POR: variants seen among roughly 807,000 people sequenced by gnomAD.
POR encodes cytochrome p450 oxidoreductase.
POR carries 56 observed loss-of-function variants against 84.0 expected under a neutral mutation model. That is an observed-to-expected ratio of 0.67 (90% CI 0.54 to 0.83). The LOEUF (loss-of-function observed/expected upper bound fraction) is 0.83, where lower values mean the gene tolerates loss of function less well. Ranked by LOEUF, POR falls within the 40% of genes least tolerant of loss-of-function variation. The probability of loss-of-function intolerance (pLI) is 0.00; values close to 1 mark genes in which losing one functional copy is unlikely to be tolerated. For synonymous variants in POR, 414 were observed against 400.5 expected (o/e 1.03, Z -0.40); for missense variants, 938 against 944.3 (o/e 0.99, Z 0.09).
chr7:75,954,313 C>G (rs1787586275), intron 2 of POR, 133 bp downstream of exon 2: 1 of 928,940 alleles, frequency 1.1e-6, no homozygotes, highest in Non-Finnish European at 1.6e-6. Flanking sequence ...TGGGTTTTGC[C>G]TTCTTGCTAG....
At chr7:75,952,772 A>G (rs1446311664) in intron 1 of POR, among the ~76,000 whole-genome samples, 1 of 142,938 alleles carries the variant, frequency 7.0e-6, no homozygotes, top group African/African-American at 2.7e-5. Flanking sequence ...ATGGCGGTGG[A>G]GAAGAGGCGC....
At chr7:75,953,082 C>T (rs1184664463) in intron 1 of POR, among the ~76,000 whole-genome samples, 2 of 152,098 alleles carry the variant, frequency 1.3e-5, no homozygotes, top group African/African-American at 2.4e-5. Context: ...CTCGGGAGGC[C>T]GAGGCTGGAG....
At chr7:75,975,976 C>T (rs1159234493) in intron 3 of POR, among the ~76,000 whole-genome samples, 1 of 151,864 alleles carries the variant, frequency 6.6e-6, no homozygotes, top group Non-Finnish European at 1.5e-5. Flanking sequence ...TTACATCATG[C>T]CACATTTCTC....
chr7:75,950,704 T>A (rs1050464040), intron 1 of POR, among the ~76,000 whole-genome samples: 5 of 152,244 alleles, frequency 3.3e-5, no homozygotes, highest in Non-Finnish European at 7.3e-5. Flanking sequence ...TAAATGTGTT[T>A]ATAAGATTAA....
intron 2 of POR, among the ~76,000 whole-genome samples, chr7:75,959,209 T>TA (rs1239662102): frequency 1.3e-5 from 2 of 152,082 alleles, no homozygotes; most frequent in Admixed American, 6.6e-5. Context: ...CCTGTCTCTA[T>TA]AAAAAATAGG....
At chr7:75,981,222 G>T in intron 6 of POR, 50 bp downstream of exon 6, 1 of 1,485,492 alleles carries the variant, frequency 6.7e-7, no homozygotes, top group Non-Finnish European at 9.0e-7. Context: ...TTAGGCAGGG[G>T]CCGTGGAACG....
intron 5 of POR, 41 bp from the exon 6 acceptor site, chr7:75,981,007 G>A (rs1451998921): frequency 6.5e-7 from 1 of 1,527,454 alleles, no homozygotes; most frequent in Non-Finnish European, 8.8e-7. Flanking sequence ...CACTGGTCAG[G>A]TCGAGGGCCA....
intron 1 of POR, among the ~76,000 whole-genome samples, chr7:75,940,981 C>T (rs1807952610): frequency 6.6e-6 from 1 of 151,886 alleles, no homozygotes; most frequent in South Asian, 2.1e-4. Flanking sequence ...GGCAACCAAG[C>T]GAGACCCCAT....
chr7:75,946,742 C>T (rs1787192590), intron 1 of POR: 1 of 152,192 alleles, frequency 6.6e-6, no homozygotes, highest in Admixed American at 6.6e-5. Flanking sequence ...CCCATGAGCT[C>T]TGCCTTGTCT....
chr7:75,959,850 T>C lies in POR; in HGVS notation c.188+5670T>C, dbSNP rs541634312. ...TGGGAAGAGTTGACATCCTACAATA[T>C]TGAGCTTTCTATTCCATGAACATTG... On this transcript the variant is annotated intron_variant, in intron 2 of 15. Transcript: ENST00000461988. 6.6e-5 allele frequency among the ~76,000 whole-genome samples: 10 copies of C among 152,308 alleles called. No homozygotes were observed. The South Asian group carries it at 2.1e-3, about 32-fold the overall frequency.
At chr7:75,941,028 G>C (rs1233623845) in intron 1 of POR, among the ~76,000 whole-genome samples, 1 of 152,156 alleles carries the variant, frequency 6.6e-6, no homozygotes, top group Non-Finnish European at 1.5e-5. Context: ...AATTAGCTCG[G>C]TGAGGTGGTG....
Position 75,986,234 on chromosome 7 carries a change from G to A in POR, c.1891G>A (p.Val631Ile), listed in dbSNP as rs145782750. 1.4e-3 allele frequency: 2,270 copies of A among 1,612,670 alleles called. 9 individuals are homozygous for A. Among genetic ancestry groups the A allele is most frequent in the Middle Eastern group, 5.3e-3 (32 of 6,062 alleles). ...GATCGAAGGCGGTGCCCACATCTACGTCTGTGGGTGAGTGAGTGGGGTCAC... is the reference window on the plus strand; with the variant it reads ...GATCGAAGGCGGTGCCCACATCTACATCTGTGGGTGAGTGAGTGGGGTCAC... Residue 631 changes from valine to isoleucine, a missense_variant, in exon 15 of 16, where the codon GTC becomes ATC. Physicochemically the swap from Val to Ile is conservative, Grantham distance 29. Transcript: ENST00000461988.
intron 1 of POR, among the ~76,000 whole-genome samples, chr7:75,952,878 T>TG (rs1319110886): frequency 7.5e-6 from 1 of 134,102 alleles, no homozygotes; most frequent in Non-Finnish European, 1.6e-5. Context: ...TCCCAGACGA[T>TG]GGGCAGCCAG....
intron 1 of POR, among the ~76,000 whole-genome samples, chr7:75,952,072 T>C (rs112369023): frequency 1.6e-4 from 16 of 99,812 alleles, no homozygotes; most frequent in Non-Finnish European, 2.3e-4. Context: ...CCGGATGGGG[T>C]GGCTGGCCGG....
At chr7:75,937,364 TGGG>T (rs1807748224) in intron 1 of POR, among the ~76,000 whole-genome samples, 1 of 139,330 alleles carries the variant, frequency 7.2e-6, no homozygotes, top group Non-Finnish European at 1.5e-5. Flanking sequence ...TCCAGCTACC[TGGG>T]AGGCTGAGGC....
chr7:75,985,161 T>G lies in POR; in HGVS notation c.1352T>G (p.Leu451Arg). ...CCCATCGACCACCTGTGTGAGCTGC[T>G]GCCGCGCCTGCAGGCCCGCTACTAC... The change falls in exon 12 of 16, where the codon CTG becomes CGG. Residue 451 changes from leucine (L) to arginine (R), a missense_variant. Coordinates refer to ENST00000461988, the MANE Select transcript of POR (RefSeq NM_000941.3). 3 of 1,599,080 alleles carry G rather than the reference T, an allele frequency of 1.9e-6. No individual in the cohort carries two copies. The highest frequency in any genetic ancestry group is 2.5e-6 in the Non-Finnish European group (3 of 1,179,312).
rs782078736 is a variant in POR at position 75,979,464 on chromosome 7, T to C, written c.251T>C (p.Ile84Thr). 1.9e-6 allele frequency: 3 copies of C among 1,613,200 alleles called. No individual in the cohort carries two copies. In the East Asian group the frequency reaches 6.7e-5, roughly 36 times the overall value. ...TGCCTTCCTTAGGGGAGGAACATCA[T>C]CGTGTTCTACGGCTCCCAGACGGGG... The change falls in exon 4 of 16, where the codon ATC becomes ACC. Residue 84 changes from isoleucine (I) to threonine (T), a missense_variant. Ile to Thr is a moderately conservative substitution (Grantham distance 89). Transcript: ENST00000461988.
At chr7:75,953,152 A>G (rs1787525051) in intron 1 of POR, among the ~76,000 whole-genome samples, 2 of 152,102 alleles carry the variant, frequency 1.3e-5, no homozygotes, top group South Asian at 2.1e-4. Context: ...CCCCGTTTCC[A>G]CCAAAAAAAT....
At chr7:75,972,137 G>A (rs1197305234) in intron 2 of POR, among the ~76,000 whole-genome samples, 3 of 152,188 alleles carry the variant, frequency 2.0e-5, no homozygotes, top group African/African-American at 7.2e-5. Flanking sequence ...TGCAGGAGAG[G>A]TCTTGGCTTT....
Sources: allele counts gnomAD v4.1 joint callset (sites outside exome capture counted in the v4.1 genomes callset), GRCh38; gene constraint gnomAD v4.1.1; transcripts MANE v1.5; gene names NCBI Gene and HGNC (gene_info 2026-07-23, HGNC 2026-07-21).